The following KCNN2 variants were observed in gnomAD, a reference collection of about 807,000 sequenced individuals.
KCNN2 encodes the protein potassium calcium-activated channel subfamily N member 2.
KCNN2 carries 24 observed loss-of-function variants against 55.5 expected under a neutral mutation model. The observed-to-expected ratio is 0.43, with a 90% CI of 0.31 to 0.61. The LOEUF (loss-of-function observed/expected upper bound fraction) is 0.61, where lower values mean the gene tolerates loss of function less well. KCNN2 is among the 20% of genes least tolerant of loss of function. The probability of loss-of-function intolerance (pLI) is 0.08; values close to 1 mark genes in which losing one functional copy is unlikely to be tolerated. For missense variants in KCNN2, 754 were observed against 853.6 expected, an observed-to-expected ratio of 0.88 and a Z score of 1.45; for synonymous variants, 431 against 336.1, an observed-to-expected ratio of 1.28 and a Z score of -3.09.
At chr5:114,131,662 G>A (rs1472336069) in intron 1 of KCNN2, among the ~76,000 whole-genome samples, 1 of 152,178 alleles carries the variant, frequency 6.6e-6, no homozygotes. Context: ...TGGGATTGCT[G>A]GGTCAAATGG....
rs70976336 is a variant in KCNN2 at position 114,312,386 on chromosome 5, TACACACAC to T, written c.-184-48517_-184-48510del. ...TCATCCTGTGAAATAAAAAAGGAGATACACACACACACACACACACACACACACACACA... is the reference window on the plus strand; with the variant it reads ...TCATCCTGTGAAATAAAAAAGGAGATACACACACACACACACACACACACA... On this transcript the variant is annotated intron_variant, in intron 2 of 10. Transcript: ENST00000512097. Among the ~76,000 whole-genome samples, 313 of 51,534 alleles carry T rather than the reference TACACACAC, an allele frequency of 6.1e-3. 2 individuals are homozygous for T. Among genetic ancestry groups the T allele is most frequent in the East Asian group, 0.012 (17 of 1,440 alleles). The allele number at this position is 51,534 out of a possible 152,430, so 33.8% of individuals were successfully genotyped here. A position where few individuals can be genotyped will look rare whatever the true frequency, so the allele number is the denominator to read the frequency against.
intron 1 of KCNN2, among the ~76,000 whole-genome samples, chr5:114,155,417 C>G (rs116262813): frequency 6.6e-6 from 1 of 152,028 alleles, no homozygotes; most frequent in African/African-American, 2.4e-5. Context: ...AATGAGATTG[C>G]GGGTCAAATG....
At chr5:114,136,959 G>A (rs1019884330) in intron 1 of KCNN2, among the ~76,000 whole-genome samples, 1 of 152,152 alleles carries the variant, frequency 6.6e-6, no homozygotes, top group Non-Finnish European at 1.5e-5. Context: ...CATAACAGCC[G>A]TGTTTGACTC....
At chr5:114,460,866 A>T (rs1761158949) in intron 3 of KCNN2, among the ~76,000 whole-genome samples, 1 of 152,216 alleles carries the variant, frequency 6.6e-6, no homozygotes, top group Admixed American at 6.5e-5. Context: ...CAGTGTATGA[A>T]TTGTGCTAAG....
At chr5:114,376,475 A>G (rs555964985) in intron 2 of KCNN2, among the ~76,000 whole-genome samples, 1 of 152,312 alleles carries the variant, frequency 6.6e-6, no homozygotes, top group East Asian at 1.9e-4. Context: ...AACTCTAATT[A>G]TGACATGCTG....
chr5:114,245,294 GA>G (rs1754727824), intron 2 of KCNN2, among the ~76,000 whole-genome samples: 1 of 152,220 alleles, frequency 6.6e-6, no homozygotes, highest in Non-Finnish European at 1.5e-5. Context: ...TGTCTGGTTA[GA>G]CTTGAAGTGG....
intron 3 of KCNN2, among the ~76,000 whole-genome samples, chr5:114,436,503 A>G (rs895645853): frequency 6.6e-6 from 1 of 152,250 alleles, no homozygotes; most frequent in Non-Finnish European, 1.5e-5. Flanking sequence ...TAGAAAATCA[A>G]CTAAATAAAG....
intron 1 of KCNN2, among the ~76,000 whole-genome samples, chr5:114,067,877 A>G (rs989629286): frequency 3.3e-5 from 5 of 152,238 alleles, no homozygotes; most frequent in African/African-American, 1.2e-4. Context: ...TCATACATAT[A>G]TAGAGTTTTA....
At chr5:114,293,544 A>C (rs1012228308) in intron 2 of KCNN2, among the ~76,000 whole-genome samples, 3 of 152,324 alleles carry the variant, frequency 2.0e-5, no homozygotes, top group Admixed American at 6.5e-5. Flanking sequence ...GATGACGCCC[A>C]CTTGATCATG....
At chr5:114,305,558 A>G (rs555356382) in intron 2 of KCNN2, among the ~76,000 whole-genome samples, 34 of 152,312 alleles carry the variant, frequency 2.2e-4, no homozygotes, top group African/African-American at 8.2e-4. Context: ...ATATACATCC[A>G]GAGGGCCTCA....
intron 2 of KCNN2, among the ~76,000 whole-genome samples, chr5:114,388,190 C>G (rs1311794766): frequency 6.6e-6 from 1 of 152,040 alleles, no homozygotes; most frequent in Non-Finnish European, 1.5e-5. Flanking sequence ...TATTTTTGTA[C>G]TTATTTCTGA....
chr5:114,492,616 GT>G (rs1421866600), intron 6 of KCNN2, among the ~76,000 whole-genome samples: 5 of 152,014 alleles, frequency 3.3e-5, no homozygotes, highest in African/African-American at 1.2e-4. Context: ...TTTTAATACC[GT>G]TTTTTGACTC....
chr5:114,243,609 G>C (rs1754688445), intron 2 of KCNN2, among the ~76,000 whole-genome samples: 1 of 152,166 alleles, frequency 6.6e-6, no homozygotes, highest in Non-Finnish European at 1.5e-5. Context: ...AAATGCAAGA[G>C]TAGTGTTGCT....
At chr5:114,077,817 A>G (rs557439809) in intron 1 of KCNN2, among the ~76,000 whole-genome samples, 90 of 152,302 alleles carry the variant, frequency 5.9e-4, no homozygotes, top group African/African-American at 2.1e-3. Flanking sequence ...GGAAAGCCTC[A>G]TTGTGGCAGA....
intron 3 of KCNN2, among the ~76,000 whole-genome samples, chr5:114,406,302 G>A (rs890176403): frequency 4.0e-5 from 6 of 149,340 alleles, no homozygotes; most frequent in Non-Finnish European, 8.9e-5. Flanking sequence ...TTGTTTTGGA[G>A]CTATCTATTA....
chr5:114,127,890 C>G (rs1751971837), intron 1 of KCNN2, among the ~76,000 whole-genome samples: 1 of 152,184 alleles, frequency 6.6e-6, no homozygotes, highest in Admixed American at 6.5e-5. Context: ...AATCTCTTTG[C>G]TGAAACACAG....
intron 4 of KCNN2, among the ~76,000 whole-genome samples, chr5:114,468,385 G>A (rs1317486901): frequency 5.9e-5 from 9 of 152,110 alleles, no homozygotes. Context: ...GTCAGCCCCA[G>A]GGACAGAAAA....
intron 3 of KCNN2, among the ~76,000 whole-genome samples, chr5:114,426,980 C>T (rs1440921843): frequency 2.6e-5 from 4 of 152,168 alleles, no homozygotes; most frequent in Non-Finnish European, 5.9e-5. Flanking sequence ...ATTTTGTAGA[C>T]TACAAGAAAA....
At chr5:114,102,283 TG>T (rs1291031579) in intron 1 of KCNN2, among the ~76,000 whole-genome samples, 1 of 151,584 alleles carries the variant, frequency 6.6e-6, no homozygotes, top group African/African-American at 2.4e-5. Flanking sequence ...TGGAGTTGTT[TG>T]TTTTTTTTTT....
Sources: gnomAD v4.1 joint callset for allele counts (sites outside exome capture counted in the v4.1 genomes callset) on GRCh38, gnomAD v4.1.1 for gene constraint, MANE v1.5 for transcripts, NCBI Gene and HGNC (gene_info 2026-07-23, HGNC 2026-07-21) for gene names.